Variants in MTIF3 observed in about 807,000 individuals in gnomAD.
The protein encoded by MTIF3 is mitochondrial translational initiation factor 3.
Under a neutral mutation model 20.7 loss-of-function variants are expected in MTIF3, and 13 were observed. The ratio of observed to expected loss-of-function variants is 0.63; its 90% confidence interval spans 0.41 to 1.00. The LOEUF (loss-of-function observed/expected upper bound fraction) is 1.00. MTIF3 is among the 50% of genes least tolerant of loss of function. The pLI, the probability that MTIF3 is intolerant of heterozygous loss-of-function variation, is 0.00. For synonymous variants in MTIF3, 114 were observed against 112.5 expected (o/e 1.01, Z -0.08); for missense variants, 295 against 324.5 (o/e 0.91, Z 0.70).
At chr13:27,438,781 C>A (rs1330237107) in intron 3 of MTIF3, among the ~76,000 whole-genome samples, 1 of 152,002 alleles carries the variant, frequency 6.6e-6, no homozygotes, top group Non-Finnish European at 1.5e-5. Flanking sequence ...CAGACGTGAG[C>A]CACCACGCCC....
At chr13:27,442,273 C>T (rs979862731) in intron 2 of MTIF3, among the ~76,000 whole-genome samples, 3 of 152,156 alleles carry the variant, frequency 2.0e-5, no homozygotes, top group Non-Finnish European at 4.4e-5. Flanking sequence ...GCAACCCATC[C>T]GCAAAACCTA....
chr13:27,446,841 C>T (rs561130152), intron 1 of MTIF3, among the ~76,000 whole-genome samples: 7 of 151,836 alleles, frequency 4.6e-5, no homozygotes, highest in East Asian at 3.9e-4. Flanking sequence ...GTGATGGGGG[C>T]GGATGGGAAG....
chr13:27,438,488 T>G (rs372772677), intron 3 of MTIF3, among the ~76,000 whole-genome samples: 829 of 35,812 alleles, frequency 0.023, 13 homozygotes, highest in Non-Finnish European at 0.061. Context: ...AGACTGTTTT[T>G]TTTTTTTTTT....
intron 2 of MTIF3, among the ~76,000 whole-genome samples, chr13:27,444,166 C>G (rs1321262776): frequency 6.6e-6 from 1 of 152,022 alleles, no homozygotes. Flanking sequence ...ATTAGCTGGG[C>G]GTGGTGGCGG....
intron 1 of MTIF3, among the ~76,000 whole-genome samples, chr13:27,447,332 GT>G (rs1954214141): frequency 6.6e-6 from 1 of 151,914 alleles, no homozygotes; most frequent in Non-Finnish European, 1.5e-5. Context: ...AGGAAGCCAT[GT>G]TCTCTGATGA....
At chr13:27,448,489 C>A (rs79808251) in intron 1 of MTIF3, among the ~76,000 whole-genome samples, 54 of 152,322 alleles carry the variant, frequency 3.5e-4, no homozygotes, top group African/African-American at 1.3e-3. Flanking sequence ...CCCAGAGGGC[C>A]TGCGCTACCG....
intron 1 of MTIF3, among the ~76,000 whole-genome samples, chr13:27,447,198 C>CAAAA (rs533396868): frequency 0.026 from 2,148 of 84,172 alleles, 88 homozygotes; most frequent in Admixed American, 0.067. Context: ...TGGGTTAGGC[C>CAAAA]AAAAAAAAAA....
At chr13:27,439,865 T>C in intron 3 of MTIF3, 124 bp downstream of exon 3, 1 of 805,568 alleles carries the variant, frequency 1.2e-6, no homozygotes, top group Non-Finnish European at 2.0e-6. Context: ...GGAATGGTGG[T>C]TGAATCATGA....
chr13:27,435,751 G>A lies in MTIF3; in HGVS notation c.761C>T (p.Thr254Ile). 1 of 1,614,074 alleles carries A rather than the reference G, an allele frequency of 6.2e-7. No individual in the cohort carries two copies. Among genetic ancestry groups the A allele is most frequent in the Non-Finnish European group, 8.5e-7 (1 of 1,179,966 alleles). Reference sequence around the variant, plus strand: ...AGTGTCTCTTTCCTGGGTCTCTTGAGTTTCTTTATATGCCTTCTCCTCATT... The same window carrying A: ...AGTGTCTCTTTCCTGGGTCTCTTGAATTTCTTTATATGCCTTCTCCTCATT... ...SKNEEKAYKE[T>I]QETQERDTLN... The change falls in exon 5 of 5, where the codon ACT becomes ATT. Residue 254 changes from threonine to isoleucine, a missense_variant. By Grantham distance (89) the Thr-to-Ile change is moderately conservative. Coordinates refer to ENST00000381120, the MANE Select transcript of MTIF3 (RefSeq NM_152912.5).
chr13:27,449,910 C>T (rs1269673362), intron 1 of MTIF3: 1 of 152,266 alleles, frequency 6.6e-6, no homozygotes, highest in East Asian at 1.9e-4. Flanking sequence ...TCTTAAGCCA[C>T]GGAGCCCACT....
intron 2 of MTIF3, among the ~76,000 whole-genome samples, chr13:27,442,679 T>C (rs1311278772): frequency 6.6e-6 from 1 of 152,140 alleles, no homozygotes; most frequent in African/African-American, 2.4e-5. Flanking sequence ...TCTCTCTCCC[T>C]GCAACACTCT....
intron 4 of MTIF3, among the ~76,000 whole-genome samples, chr13:27,436,875 C>T (rs1459833289): frequency 1.3e-5 from 2 of 150,886 alleles, no homozygotes; most frequent in Non-Finnish European, 2.9e-5. Context: ...CCTCAGCTTC[C>T]CCAGTAGCTG....
chr13:27,437,385 C>T, intron 3 of MTIF3, 112 bp from the exon 4 acceptor site: 1 of 953,958 alleles, frequency 1.0e-6, no homozygotes, highest in Non-Finnish European at 1.5e-6. Context: ...ATCTTCTCAT[C>T]TGGCTTTCAG....
intron 3 of MTIF3, 149 bp from the exon 4 acceptor site, chr13:27,437,422 A>C (rs1389997773): frequency 1.5e-6 from 1 of 684,370 alleles, no homozygotes; most frequent in Non-Finnish European, 2.3e-6. Context: ...ATGTCTTTTC[A>C]AATGGGGAAG....
rs1447983340 is a variant in MTIF3 at position 27,440,464 on chromosome 13, A to G, written c.-1-15T>C. The G allele has an allele frequency of 6.4e-7, 1 of 1,554,584 alleles. No homozygotes were observed. Among genetic ancestry groups the G allele is most frequent in the Admixed American group, 2.0e-5 (1 of 50,700 alleles). ...GAGCAGCCATCCTAAGAAAGTAGTA[A>G]GAAGAGTTCATTAAAATTCAATCAC... is the stretch of plus-strand genomic sequence containing the variant. On this transcript the variant is annotated splice_polypyrimidine_tract_variant and intron_variant, in intron 2 of 4. Transcript: ENST00000381120.
intron 3 of MTIF3, among the ~76,000 whole-genome samples, chr13:27,437,788 G>C (rs780309197): frequency 1.3e-5 from 2 of 152,186 alleles, no homozygotes; most frequent in Non-Finnish European, 2.9e-5. Flanking sequence ...TGGGACAATT[G>C]AGAAGTTTAT....
Position 27,435,817 on chromosome 13 carries a change from C to T in MTIF3, c.695G>A (p.Gly232Glu). The T allele has an allele frequency of 1.2e-6, 2 of 1,614,120 alleles. No individual in the cohort carries two copies. The highest frequency in any genetic ancestry group is 8.5e-7 in the Non-Finnish European group (1 of 1,180,010). ...TFSSRPQAVQGGKALMCVLRA... is the reference protein window; with the variant it reads ...TFSSRPQAVQEGKALMCVLRA... ...AAGAACACACATTAAAGCTTTTCCTCCTTGAACAGCTTGTGGCCTAGATGA... is the reference window on the plus strand; with the variant it reads ...AAGAACACACATTAAAGCTTTTCCTTCTTGAACAGCTTGTGGCCTAGATGA... Residue 232 changes from glycine (G) to glutamate (E), a missense_variant, in exon 5 of 5, where the codon GGA (glycine) becomes GAA (glutamate). Gly to Glu is a moderately conservative substitution (Grantham distance 98). Coordinates refer to ENST00000381120, the MANE Select transcript of MTIF3 (RefSeq NM_152912.5).
chr13:27,443,808 T>C lies in MTIF3; in HGVS notation c.-2+1280A>G, dbSNP rs543415245. On this transcript the variant is annotated intron_variant, in intron 2 of 4. Coordinates refer to ENST00000381120, the MANE Select transcript of MTIF3 (RefSeq NM_152912.5). ...AAGATGAAAAAAATTTATAAAAATG[T>C]TGAAGACAAAAGCAATTCATTCCCC... is the stretch of plus-strand genomic sequence containing the variant. 1.4e-3 allele frequency among the ~76,000 whole-genome samples: 207 copies of C among 152,282 alleles called. 1 individual carries two copies. Among genetic ancestry groups the C allele is most frequent in the African/African-American group, 4.8e-3 (198 of 41,580 alleles).
At chr13:27,437,299 G>T in intron 3 of MTIF3, 26 bp from the exon 4 acceptor site, 1 of 1,609,604 alleles carries the variant, frequency 6.2e-7, no homozygotes, top group Non-Finnish European at 8.5e-7. Flanking sequence ...TAGGGTGCAA[G>T]GACTACTGAC....
Sources: allele counts gnomAD v4.1 joint callset (sites outside exome capture counted in the v4.1 genomes callset), GRCh38; gene constraint gnomAD v4.1.1; transcripts MANE v1.5; gene names NCBI Gene and HGNC (gene_info 2026-07-23, HGNC 2026-07-21).